DYM: variants seen among roughly 807,000 people sequenced by gnomAD.
DYM encodes the protein dymeclin.
A neutral mutation model predicts 93.1 loss-of-function variants in DYM; 78 were observed. The ratio of observed to expected loss-of-function variants is 0.84; its 90% CI spans 0.70 to 1.01. The LOEUF (loss-of-function observed/expected upper bound fraction) is 1.01. Among genes scored for constraint, DYM ranks in the 50% least tolerant of loss-of-function variants. DYM has a pLI of 0.00. For missense variants in DYM, 789 were observed against 845.0 expected, an observed-to-expected ratio of 0.93 and a Z score of 0.82; for synonymous variants, 321 against 319.7, an observed-to-expected ratio of 1.00 and a Z score of -0.04.
intron 8 of DYM, among the ~76,000 whole-genome samples, chr18:49,324,270 T>C (rs761385158): frequency 1.3e-5 from 2 of 152,020 alleles, no homozygotes; most frequent in African/African-American, 2.4e-5. Flanking sequence ...ACTGATATCA[T>C]TGATTAGTTT....
chr18:49,363,601 G>A (rs1221834560), intron 5 of DYM, among the ~76,000 whole-genome samples: 1 of 152,166 alleles, frequency 6.6e-6, no homozygotes, highest in Non-Finnish European at 1.5e-5. Context: ...TCACTGCTTT[G>A]TTTGAAGCAG....
intron 17 of DYM, 109 bp downstream of exon 17, chr18:49,097,293 G>T: frequency 1.0e-6 from 1 of 981,318 alleles, no homozygotes; most frequent in East Asian, 2.5e-5. Context: ...AGCCCTTCTA[G>T]TCTATGTACT....
intron 11 of DYM, among the ~76,000 whole-genome samples, chr18:49,267,830 G>A (rs568458508): frequency 4.6e-5 from 7 of 152,234 alleles, no homozygotes; most frequent in South Asian, 4.1e-4. Flanking sequence ...CCCACGAGGC[G>A]GAGGTTGCAG....
chr18:49,053,663 C>T (rs934314430), intron 17 of DYM, among the ~76,000 whole-genome samples: 4 of 152,098 alleles, frequency 2.6e-5, no homozygotes, highest in Non-Finnish European at 4.4e-5. Context: ...GAGATCCTGT[C>T]GTAAAATAGC....
At chr18:49,171,249 A>T (rs1423052991) in intron 14 of DYM, among the ~76,000 whole-genome samples, 2 of 152,170 alleles carry the variant, frequency 1.3e-5, no homozygotes, top group Non-Finnish European at 2.9e-5. Flanking sequence ...AACGCATCAC[A>T]GAAAGGTCAC....
Position 49,378,672 on chromosome 18 carries a change from C to A in DYM, c.316G>T (p.Ala106Ser). The A allele has an allele frequency of 6.2e-7, 1 of 1,613,244 alleles. No individual in the cohort carries two copies. Among genetic ancestry groups the A allele is most frequent in the Non-Finnish European group, 8.5e-7 (1 of 1,179,528 alleles). ...AGCAAACAGCAAATAATAAACAAAG[C>A]ATTGTGTGTCTGCCAAATGAAGATG... ...NHIFIWQTHN[A>S]LFIICCLLKV... is the part of the protein sequence containing the mutation. The change falls in exon 5 of 18, where the codon GCT (alanine) becomes TCT (serine). Residue 106 changes from alanine (A) to serine (S), a missense_variant. Physicochemically the swap from Ala to Ser is moderately conservative, Grantham distance 99. Transcript: ENST00000675505.
intron 6 of DYM, among the ~76,000 whole-genome samples, chr18:49,350,992 A>C (rs749731910): frequency 4.6e-5 from 7 of 152,198 alleles, no homozygotes; most frequent in Non-Finnish European, 8.8e-5. Flanking sequence ...AAGTTGAGAT[A>C]AGAGAGGTTA....
chr18:49,210,293 A>G (rs1447078143), intron 13 of DYM, among the ~76,000 whole-genome samples: 1 of 152,248 alleles, frequency 6.6e-6, no homozygotes, highest in Non-Finnish European at 1.5e-5. Context: ...AACTGCCCAA[A>G]CTTGAAAGCA....
At chr18:49,431,412 G>C (rs563302078) in intron 1 of DYM, among the ~76,000 whole-genome samples, 73 of 152,214 alleles carry the variant, frequency 4.8e-4, no homozygotes, top group African/African-American at 1.7e-3. Context: ...AAGGAACAAG[G>C]GAGTGAATAA....
chr18:49,441,651 G>T (rs774524673), intron 1 of DYM, among the ~76,000 whole-genome samples: 33 of 151,976 alleles, frequency 2.2e-4, no homozygotes, highest in Non-Finnish European at 3.8e-4. Flanking sequence ...AGGGAAGTGT[G>T]GAAGATGGGA....
chr18:49,402,589 C>T (rs990223088), intron 2 of DYM, among the ~76,000 whole-genome samples: 22 of 152,186 alleles, frequency 1.4e-4, no homozygotes, highest in South Asian at 4.1e-4. Flanking sequence ...ACAACACAAT[C>T]AGGTACATAA....
At chr18:49,328,637 A>C (rs2063087781) in intron 8 of DYM, among the ~76,000 whole-genome samples, 1 of 152,216 alleles carries the variant, frequency 6.6e-6, no homozygotes, top group Non-Finnish European at 1.5e-5. Context: ...ATATGAATAG[A>C]CACTTCTCAA....
intron 10 of DYM, among the ~76,000 whole-genome samples, chr18:49,277,069 C>T (rs955696912): frequency 3.3e-5 from 5 of 152,058 alleles, no homozygotes; most frequent in Non-Finnish European, 7.4e-5. Context: ...ACAGAGAATA[C>T]AGGAGTAAGA....
intron 10 of DYM, among the ~76,000 whole-genome samples, chr18:49,274,135 C>T (rs1171323318): frequency 6.6e-6 from 1 of 151,868 alleles, no homozygotes; most frequent in African/African-American, 2.4e-5. Context: ...AAAAACAAAC[C>T]CCATACCCTT....
At chr18:49,381,646 T>C (rs1055425485) in intron 3 of DYM, among the ~76,000 whole-genome samples, 2 of 152,220 alleles carry the variant, frequency 1.3e-5, no homozygotes, top group Non-Finnish European at 2.9e-5. Context: ...ATGTGTGAAA[T>C]GTGCACTGAG....
intron 16 of DYM, among the ~76,000 whole-genome samples, chr18:49,106,596 G>A (rs1036812062): frequency 3.3e-5 from 5 of 152,162 alleles, no homozygotes; most frequent in African/African-American, 1.2e-4. Flanking sequence ...TTTAGGGCAG[G>A]CCTGGTGGTG....
chr18:49,456,113 T>C (rs1238230021), intron 1 of DYM, among the ~76,000 whole-genome samples: 6 of 152,176 alleles, frequency 3.9e-5, no homozygotes, highest in Admixed American at 6.5e-5. Flanking sequence ...TCCATCCTGC[T>C]GTTAGGAACA....
chr18:49,231,669 CAAAT>C (rs1399056943), intron 13 of DYM, among the ~76,000 whole-genome samples: 3 of 152,170 alleles, frequency 2.0e-5, no homozygotes, highest in Non-Finnish European at 4.4e-5. Flanking sequence ...TTTCCTTTGT[CAAAT>C]AAAGTGGAGT....
intron 9 of DYM, among the ~76,000 whole-genome samples, chr18:49,283,664 G>C (rs1286756346): frequency 1.3e-5 from 2 of 152,128 alleles, no homozygotes; most frequent in Non-Finnish European, 2.9e-5. Context: ...AGCACAAAGA[G>C]CTAATATTTT....
Sources: allele counts gnomAD v4.1 joint callset (sites outside exome capture counted in the v4.1 genomes callset), GRCh38; gene constraint gnomAD v4.1.1; transcripts MANE v1.5; gene names NCBI Gene and HGNC (gene_info 2026-07-23, HGNC 2026-07-21).